METAP1D: variants seen among roughly 807,000 people sequenced by gnomAD.
METAP1D encodes the protein methionyl aminopeptidase type 1D, mitochondrial.
A neutral mutation model predicts 40.5 loss-of-function variants in METAP1D; 31 were observed. The observed-to-expected ratio is 0.77, with a 90% CI of 0.58 to 1.03. The LOEUF (loss-of-function observed/expected upper bound fraction) is 1.03. METAP1D is among the 50% of genes least tolerant of loss of function. METAP1D has a pLI of 0.00. For synonymous variants in METAP1D, 151 were observed against 146.4 expected (o/e 1.03, Z -0.22); for missense variants, 411 against 420.7 (o/e 0.98, Z 0.20).
chr2:172,005,112 C>T (rs767415873), intron 1 of METAP1D, among the ~76,000 whole-genome samples: 1 of 151,902 alleles, frequency 6.6e-6, no homozygotes, highest in Non-Finnish European at 1.5e-5. Flanking sequence ...GACAGGTTAT[C>T]ATCATGCTGC....
chr2:172,036,083 C>T (rs918020997), intron 1 of METAP1D, among the ~76,000 whole-genome samples: 11 of 151,874 alleles, frequency 7.2e-5, no homozygotes, highest in Admixed American at 3.3e-4. Flanking sequence ...TTTGGGAGGC[C>T]AAGGTGGGCG....
At chr2:172,065,856 G>A in intron 4 of METAP1D, 104 bp downstream of exon 4, 1 of 1,212,048 alleles carries the variant, frequency 8.3e-7, no homozygotes, top group Non-Finnish European at 1.1e-6. Flanking sequence ...AAACCCACCG[G>A]TAAACTTCTG....
At chr2:172,002,740 T>C (rs1344600951) in intron 1 of METAP1D, among the ~76,000 whole-genome samples, 1 of 152,182 alleles carries the variant, frequency 6.6e-6, no homozygotes, top group African/African-American at 2.4e-5. Context: ...GACTCCTCTC[T>C]CCACCCTCTT....
At chr2:172,056,240 T>C (rs890639195) in intron 1 of METAP1D, among the ~76,000 whole-genome samples, 2 of 152,184 alleles carry the variant, frequency 1.3e-5, no homozygotes, top group African/African-American at 2.4e-5. Context: ...ACCTCAAAGA[T>C]TGTGAAGCCC....
chr2:172,020,656 T>C (rs1688985991), intron 1 of METAP1D, among the ~76,000 whole-genome samples: 1 of 152,196 alleles, frequency 6.6e-6, no homozygotes, highest in African/African-American at 2.4e-5. Context: ...GGAGTTTGCA[T>C]TGGTAGGCAA....
intron 1 of METAP1D, among the ~76,000 whole-genome samples, chr2:172,042,199 A>C (rs1301007368): frequency 3.5e-5 from 2 of 57,170 alleles, no homozygotes; most frequent in African/African-American, 8.9e-5. Context: ...ATGTGTACAC[A>C]TATACATATG....
chr2:172,080,309 G>T lies in METAP1D; in HGVS notation c.930-19G>T, dbSNP rs1481768782. The stretch of plus-strand genomic sequence containing the variant: ...CGGAGCTTGCGTGCGCGTTCTGACG[G>T]CTGGGTGCTGTGTTACAGGTCGGCG... On this transcript the variant is annotated intron_variant, in intron 9 of 9. Transcript: ENST00000315796. 2 of 1,614,168 alleles carry T rather than the reference G, an allele frequency of 1.2e-6. No homozygotes were observed.
chr2:172,059,340 C>T (rs1690078508), intron 1 of METAP1D, among the ~76,000 whole-genome samples: 1 of 152,088 alleles, frequency 6.6e-6, no homozygotes, highest in East Asian at 1.9e-4. Context: ...CTCAGCCTTG[C>T]ATCTTTTTTC....
intron 1 of METAP1D, 128 bp downstream of exon 1, chr2:172,000,137 G>A: frequency 1.2e-6 from 1 of 820,736 alleles, no homozygotes; most frequent in Non-Finnish European, 1.7e-6. Flanking sequence ...CAGTGTTTAC[G>A]AACACACGCA....
At chr2:172,036,092 C>A (rs999545992) in intron 1 of METAP1D, among the ~76,000 whole-genome samples, 3 of 151,834 alleles carry the variant, frequency 2.0e-5, no homozygotes, top group Admixed American at 6.6e-5. Context: ...CCAAGGTGGG[C>A]GGATCACTAG....
In METAP1D at chr2:172,081,434, G is replaced by C. The variant is rs1441463056; in HGVS notation, c.*1028G>C. On this transcript the variant is annotated 3_prime_UTR_variant, in exon 10 of 10. Coordinates refer to ENST00000315796, the MANE Select transcript of METAP1D (RefSeq NM_199227.3). ...TTTGAGAGCAAGGGCCTACTTGGCC[G>C]GGACTGAAGCTTGCGAGTTGAGCTC... 2.6e-5 allele frequency: 4 copies of C among 152,276 alleles called. No homozygotes were observed. Among genetic ancestry groups the C allele is most frequent in the Admixed American group, 1.3e-4 (2 of 15,288 alleles). 9.4% of individuals were successfully genotyped at this position (152,276 alleles called of 1,614,324 possible). A position where few individuals can be genotyped will look rare whatever the true frequency, so the allele number is the denominator to read the frequency against.
intron 1 of METAP1D, among the ~76,000 whole-genome samples, chr2:172,020,072 A>T (rs1574096215): frequency 6.6e-6 from 1 of 152,068 alleles, no homozygotes. Flanking sequence ...GGCTTGTCGC[A>T]ACCTCCCGGG....
chr2:172,045,817 G>GTATATATATA (rs1215869065), intron 1 of METAP1D, among the ~76,000 whole-genome samples: 6 of 16,344 alleles, frequency 3.7e-4, no homozygotes, highest in African/African-American at 4.9e-4. Flanking sequence ...GTGTGTGTGT[G>GTATATATATA]TGTATATATA....
intron 1 of METAP1D, among the ~76,000 whole-genome samples, chr2:172,016,291 AAAAAAAAAAATATATATATAT>A (rs1166023936): frequency 8.5e-5 from 7 of 82,064 alleles, no homozygotes; most frequent in African/African-American, 2.3e-4. Flanking sequence ...AAAAAAAAAA[AAAAAAAAAAATATATATATAT>A]ATATATATAT....
chr2:172,009,016 G>T (rs998807467), intron 1 of METAP1D, among the ~76,000 whole-genome samples: 6 of 151,774 alleles, frequency 4.0e-5, no homozygotes, highest in Non-Finnish European at 7.4e-5. Flanking sequence ...CGGTGTGTTT[G>T]TGAATTGTTT....
chr2:172,042,224 TAC>T (rs140614599), intron 1 of METAP1D, among the ~76,000 whole-genome samples: 1,418 of 8,336 alleles, frequency 0.17, 129 homozygotes, highest in South Asian at 0.3. Flanking sequence ...TGTACATGTG[TAC>T]ACATATACAT....
In METAP1D at chr2:172,061,667, C is replaced by A. The variant is rs768036992; in HGVS notation, c.198+12C>A. On this transcript the variant is annotated intron_variant, in intron 2 of 9. Coordinates refer to ENST00000315796, the MANE Select transcript of METAP1D (RefSeq NM_199227.3). The stretch of plus-strand genomic sequence containing the variant: ...ATCCGGTTCCTAAGGTACTGTATTG[C>A]CTATTATCTCCTGCTTTTTCCAGCC... 3.2e-6 allele frequency: 5 copies of A among 1,565,960 alleles called. No homozygotes were observed. In the South Asian group the frequency reaches 4.8e-5, roughly 15 times the overall value.
intron 6 of METAP1D, among the ~76,000 whole-genome samples, chr2:172,073,253 C>T (rs987942368): frequency 2.0e-5 from 3 of 152,094 alleles, no homozygotes; most frequent in African/African-American, 4.8e-5. Context: ...AAGAGCCACA[C>T]GCCACACCAA....
intron 1 of METAP1D, among the ~76,000 whole-genome samples, chr2:172,008,829 A>C (rs1688647936): frequency 6.6e-6 from 1 of 152,130 alleles, no homozygotes; most frequent in South Asian, 2.1e-4. Context: ...CTGAAGGAGA[A>C]TCATCTGCTT....
Sources: allele counts gnomAD v4.1 joint callset (sites outside exome capture counted in the v4.1 genomes callset), GRCh38; gene constraint gnomAD v4.1.1; transcripts MANE v1.5; gene names NCBI Gene and HGNC (gene_info 2026-07-23, HGNC 2026-07-21).